The following NR6A1 variants were observed in gnomAD, a reference collection of about 807,000 sequenced individuals.
NR6A1 encodes nuclear receptor subfamily 6 group A member 1, also known as retinoic acid receptor-related testis-associated receptor.
A neutral mutation model predicts 59.1 loss-of-function variants in NR6A1; 7 were observed. The observed-to-expected ratio is 0.12, with a 90% CI of 0.07 to 0.22. NR6A1 has a LOEUF of 0.22. NR6A1 is among the 10% of genes least tolerant of loss of function. The probability of loss-of-function intolerance (pLI) is 1.00; values close to 1 mark genes in which losing one functional copy is unlikely to be tolerated. For missense variants in NR6A1, 468 were observed against 611.6 expected (o/e 0.77, Z 2.48); for synonymous variants, 243 against 236.1 (o/e 1.03, Z -0.27).
intron 2 of NR6A1, among the ~76,000 whole-genome samples, chr9:124,554,858 C>G (rs1045873268): frequency 6.6e-6 from 1 of 152,154 alleles, no homozygotes; most frequent in African/African-American, 2.4e-5. Context: ...TCACCCTTAC[C>G]CTGCTCATCT....
intron 1 of NR6A1, among the ~76,000 whole-genome samples, chr9:124,741,608 A>C (rs181445844): frequency 6.6e-5 from 10 of 152,376 alleles, no homozygotes; most frequent in East Asian, 1.9e-4. Context: ...TATGCTACGT[A>C]TATTTTACCA....
At chr9:124,527,681 C>G (rs1402005085) in intron 7 of NR6A1, among the ~76,000 whole-genome samples, 3 of 152,180 alleles carry the variant, frequency 2.0e-5, no homozygotes. Context: ...AACCCAAAGC[C>G]TTGGTTTTTC....
At chr9:124,688,339 A>C (rs557446230) in intron 2 of NR6A1, among the ~76,000 whole-genome samples, 2 of 152,274 alleles carry the variant, frequency 1.3e-5, no homozygotes, top group Non-Finnish European at 2.9e-5. Flanking sequence ...AAAAAGAAAA[A>C]AAAAAAAGTT....
chr9:124,710,740 C>A (rs528486794), intron 2 of NR6A1, among the ~76,000 whole-genome samples: 1 of 152,254 alleles, frequency 6.6e-6, no homozygotes, highest in Non-Finnish European at 1.5e-5. Context: ...TCTACTAAGC[C>A]TAGTTGCCAA....
chr9:124,643,544 G>A (rs551908955), intron 2 of NR6A1, among the ~76,000 whole-genome samples: 4 of 151,214 alleles, frequency 2.6e-5, no homozygotes, highest in Non-Finnish European at 5.9e-5. Context: ...AGGGAGCAGT[G>A]AGCCAAGATT....
chr9:124,706,911 T>C (rs1435127173), intron 2 of NR6A1, among the ~76,000 whole-genome samples: 1 of 152,194 alleles, frequency 6.6e-6, no homozygotes, highest in Non-Finnish European at 1.5e-5. Flanking sequence ...GCCTATTGTT[T>C]TTCCTTATCT....
At chr9:124,557,849 A>T (rs1449512041) in intron 2 of NR6A1, among the ~76,000 whole-genome samples, 1 of 152,218 alleles carries the variant, frequency 6.6e-6, no homozygotes, top group Non-Finnish European at 1.5e-5. Context: ...TGTAAACCAG[A>T]GCCTTATTAG....
chr9:124,561,945 TA>T (rs1157049230), intron 2 of NR6A1, among the ~76,000 whole-genome samples: 1 of 152,000 alleles, frequency 6.6e-6, no homozygotes, highest in Non-Finnish European at 1.5e-5. Flanking sequence ...ACAAAAAACT[TA>T]AAAAAATGTT....
intron 2 of NR6A1, among the ~76,000 whole-genome samples, chr9:124,591,122 T>C (rs536038550): frequency 6.6e-6 from 1 of 152,328 alleles, no homozygotes; most frequent in South Asian, 2.1e-4. Flanking sequence ...TTATTGTTGC[T>C]TACCGAATGG....
At chr9:124,555,742 C>A (rs1005908297) in intron 2 of NR6A1, among the ~76,000 whole-genome samples, 5 of 152,162 alleles carry the variant, frequency 3.3e-5, no homozygotes, top group Admixed American at 6.5e-5. Context: ...AAAAATTGAC[C>A]TTCTTTACTT....
At chr9:124,605,175 C>A (rs1176923740) in intron 2 of NR6A1, among the ~76,000 whole-genome samples, 2 of 152,134 alleles carry the variant, frequency 1.3e-5, no homozygotes, top group Non-Finnish European at 2.9e-5. Context: ...AAAAGAACTA[C>A]AAAGTTCAGA....
At chr9:124,719,093 G>C (rs1839489974) in intron 2 of NR6A1, among the ~76,000 whole-genome samples, 1 of 149,818 alleles carries the variant, frequency 6.7e-6, no homozygotes, top group South Asian at 2.1e-4. Flanking sequence ...TTCAATCTAA[G>C]TTTTCTTTTG....
intron 2 of NR6A1, among the ~76,000 whole-genome samples, chr9:124,625,779 T>G (rs1370192007): frequency 6.6e-6 from 1 of 152,144 alleles, no homozygotes; most frequent in Admixed American, 6.6e-5. Flanking sequence ...GTAAAGCAGA[T>G]TGCCCTCCAT....
intron 2 of NR6A1, among the ~76,000 whole-genome samples, chr9:124,723,102 TTATA>T (rs536734059): frequency 6.6e-6 from 1 of 152,024 alleles, no homozygotes; most frequent in South Asian, 2.1e-4. Context: ...ATTATACACA[TTATA>T]TATATGCTAT....
At chr9:124,766,726 G>A (rs7044643) in intron 1 of NR6A1, among the ~76,000 whole-genome samples, 12,636 of 152,194 alleles carry the variant, frequency 0.083, 1,548 homozygotes, top group African/African-American at 0.27. Flanking sequence ...AAGAAGCAAA[G>A]ATTATGACCA....
Position 124,649,124 on chromosome 9 carries a change from C to T in NR6A1, c.142+84184G>A, listed in dbSNP as rs114837038. ...AAATTCATATGAAACCTCAAAAGAC[C>T]CCAAATAGCCAAAGCAATCCTGAAC... is the stretch of plus-strand genomic sequence containing the variant. On this transcript the variant is annotated intron_variant, in intron 2 of 9. Coordinates refer to ENST00000487099, the MANE Select transcript of NR6A1 (RefSeq NM_033334.4). Among the ~76,000 whole-genome samples, 1,043 of 150,886 alleles carry T rather than the reference C, an allele frequency of 6.9e-3. 5 individuals carry two copies. The highest frequency in any genetic ancestry group is 0.024 in the African/African-American group (992 of 41,002).
intron 2 of NR6A1, among the ~76,000 whole-genome samples, chr9:124,602,112 C>CCTG (rs1414222702): frequency 6.6e-6 from 1 of 152,154 alleles, no homozygotes; most frequent in African/African-American, 2.4e-5. Flanking sequence ...AACTGAGGAA[C>CCTG]CTGGAAAAGG....
intron 2 of NR6A1, among the ~76,000 whole-genome samples, chr9:124,557,584 A>C (rs1478963642): frequency 6.6e-6 from 1 of 152,214 alleles, no homozygotes; most frequent in Non-Finnish European, 1.5e-5. Context: ...CCTTTTGAAA[A>C]CATAAAGAAA....
At chr9:124,540,952 C>T (rs1158158069) in intron 4 of NR6A1, among the ~76,000 whole-genome samples, 2 of 151,910 alleles carry the variant, frequency 1.3e-5, no homozygotes, top group African/African-American at 4.8e-5. Context: ...AAGACATCGA[C>T]CCCTTATACC....
Sources: allele counts gnomAD v4.1 joint callset (sites outside exome capture counted in the v4.1 genomes callset), GRCh38; gene constraint gnomAD v4.1.1; transcripts MANE v1.5; gene names NCBI Gene and HGNC (gene_info 2026-07-23, HGNC 2026-07-21).